Variants in SLC47A1 observed in about 807,000 individuals in gnomAD.
SLC47A1 encodes multidrug and toxin extrusion protein 1.
In SLC47A1, 58 loss-of-function variants were observed where a neutral mutation model predicts 65.8. The observed-to-expected ratio is 0.88, with a 90% CI of 0.71 to 1.10. The LOEUF is 1.10. Among genes scored for constraint, SLC47A1 ranks in the 50% least tolerant of loss-of-function variants. The probability of loss-of-function intolerance (pLI) is 0.00; values close to 1 mark genes in which losing one functional copy is unlikely to be tolerated. For synonymous variants in SLC47A1, 285 were observed against 295.0 expected (o/e 0.97, Z 0.35); for missense variants, 706 against 719.2 (o/e 0.98, Z 0.21).
chr17:19,578,029 C>A lies in SLC47A1; in HGVS notation c.*476C>A. On this transcript the variant is annotated 3_prime_UTR_variant, in exon 17 of 17. Transcript: ENST00000270570. The stretch of plus-strand genomic sequence containing the variant: ...CGGAAGTCTTGCTCTGTCATGCAGG[C>A]TGGAGTGCGGTGGTGCGATCATAGC... 8.3e-7 allele frequency: 1 copy of A among 1,204,830 alleles called. No individual in the cohort carries two copies. The highest frequency in any genetic ancestry group is 1.1e-6 in the Non-Finnish European group (1 of 913,208). The allele number at this position is 1,204,830 out of a possible 1,614,324, so 74.6% of individuals were successfully genotyped here.
At chr17:19,539,188 G>A (rs997048545) in intron 1 of SLC47A1, among the ~76,000 whole-genome samples, 3 of 152,160 alleles carry the variant, frequency 2.0e-5, no homozygotes, top group African/African-American at 4.8e-5. Context: ...TGCGATTGCA[G>A]GGATAAGCCA....
At chr17:19,546,603 T>G (rs968642196) in intron 3 of SLC47A1, 100 bp downstream of exon 3, 4 of 1,099,752 alleles carry the variant, frequency 3.6e-6, no homozygotes, top group Non-Finnish European at 5.4e-6. Context: ...CAGCCAGCAC[T>G]TGCAGCACCT....
intron 10 of SLC47A1, 91 bp downstream of exon 10, chr17:19,556,153 A>G (rs973039278): frequency 5.6e-6 from 8 of 1,417,102 alleles, no homozygotes; most frequent in South Asian, 1.2e-5. Context: ...GCATTCGTAC[A>G]TGAATCATTT....
chr17:19,567,079 A>T lies in SLC47A1; in HGVS notation c.1177-17A>T. 1 of 1,614,168 alleles carries T rather than the reference A, an allele frequency of 6.2e-7. No homozygotes were observed. The highest frequency in any genetic ancestry group is 8.5e-7 in the Non-Finnish European group (1 of 1,180,014). ...CGCCGGATGTGTTCACAGTGATGGA[A>T]TGCTCTCTGCCTGCAGTGCACGAGT... On this transcript the variant is annotated splice_polypyrimidine_tract_variant and intron_variant, in intron 13 of 16. Coordinates refer to ENST00000270570, the MANE Select transcript of SLC47A1 (RefSeq NM_018242.3).
chr17:19,535,871 T>C (rs957593146), intron 1 of SLC47A1, among the ~76,000 whole-genome samples: 1 of 152,212 alleles, frequency 6.6e-6, no homozygotes, highest in Admixed American at 6.5e-5. Flanking sequence ...TCTCTGCATA[T>C]TCATTTGTAA....
At chr17:19,555,150 G>A (rs1916565901) in intron 6 of SLC47A1, 62 bp from the exon 7 acceptor site, 7 of 1,474,768 alleles carry the variant, frequency 4.7e-6, no homozygotes, top group South Asian at 2.3e-5. Flanking sequence ...GTGTGCTTGG[G>A]TAGCAGAAAG....
intron 1 of SLC47A1, among the ~76,000 whole-genome samples, chr17:19,541,614 G>A (rs966810477): frequency 2.0e-5 from 3 of 152,144 alleles, no homozygotes; most frequent in African/African-American, 4.8e-5. Context: ...CTGAGAGTCC[G>A]GATCCCGCTG....
chr17:19,564,368 TATCTC>T (rs552663798), intron 12 of SLC47A1, among the ~76,000 whole-genome samples: 1 of 151,850 alleles, frequency 6.6e-6, no homozygotes, highest in East Asian at 1.9e-4. Context: ...GTGAATATAA[TATCTC>T]AGGTGGAAAA....
At chr17:19,575,116 G>T (rs538761757) in intron 16 of SLC47A1, among the ~76,000 whole-genome samples, 11 of 149,442 alleles carry the variant, frequency 7.4e-5, no homozygotes, top group Admixed American at 5.3e-4. Context: ...TGTCACCCAG[G>T]CTGGAGTGCA....
rs756633695 is a variant in SLC47A1 at position 19,564,020 on chromosome 17, TAGC to T, written c.1107-2765_1107-2763del. Among the ~76,000 whole-genome samples, 7 of 150,804 alleles carry T rather than the reference TAGC, an allele frequency of 4.6e-5. No homozygotes were observed. In the East Asian group the frequency reaches 1.4e-3, roughly 30 times the overall value. ...AAAAAAAATGTTATTAGACAGAATT[TAGC>T]AGCACATTGAAAAGAATATATTTGG... On this transcript the variant is annotated intron_variant, in intron 12 of 16. Coordinates refer to ENST00000270570, the MANE Select transcript of SLC47A1 (RefSeq NM_018242.3).
intron 1 of SLC47A1, among the ~76,000 whole-genome samples, chr17:19,537,292 G>C (rs1916014732): frequency 6.6e-6 from 1 of 152,160 alleles, no homozygotes; most frequent in Middle Eastern, 3.4e-3. Context: ...TGAGGTGGGG[G>C]ATCTGGAGAG....
intron 14 of SLC47A1, among the ~76,000 whole-genome samples, 158 bp downstream of exon 14, chr17:19,567,386 G>A (rs1460434343): frequency 6.6e-6 from 1 of 152,122 alleles, no homozygotes; most frequent in Non-Finnish European, 1.5e-5. Flanking sequence ...GCGTTCAGGA[G>A]GTGACCTCCA....
intron 16 of SLC47A1, among the ~76,000 whole-genome samples, chr17:19,573,596 C>T (rs1301438548): frequency 6.6e-6 from 1 of 151,902 alleles, no homozygotes; most frequent in Non-Finnish European, 1.5e-5. Context: ...TAGCTCACTG[C>T]ACCCTTTACA....
chr17:19,557,658 C>T (rs374896375), intron 10 of SLC47A1: 25 of 516,644 alleles, frequency 4.8e-5, no homozygotes, highest in East Asian at 2.2e-4. Context: ...CTCAGTTACC[C>T]GTAGATGTAG....
intron 14 of SLC47A1, 150 bp downstream of exon 14, chr17:19,567,378 G>A (rs1391679252): frequency 2.4e-5 from 28 of 1,179,552 alleles, no homozygotes; most frequent in Middle Eastern, 5.8e-4. Flanking sequence ...TGTAGGGGGC[G>A]TTCAGGAGGT....
intron 2 of SLC47A1, among the ~76,000 whole-genome samples, chr17:19,543,222 GTC>G (rs908655576): frequency 3.3e-5 from 5 of 150,608 alleles, no homozygotes; most frequent in Admixed American, 1.3e-4. Context: ...CAATTCTCCT[GTC>G]TCAGCCTCCT....
At position 19,572,837 on chromosome 17, in the gene SLC47A1, C is replaced by T. The variant is rs138902371; in HGVS notation, c.1462C>T (p.Leu488Phe). 138 of 1,614,170 alleles carry T rather than the reference C, an allele frequency of 8.5e-5. No homozygotes were observed. The African/African-American group carries it at 1.1e-3, about 13-fold the overall frequency. The change falls in exon 16 of 17, where the codon CTC (leucine) becomes TTC (phenylalanine). Residue 488 changes from leucine to phenylalanine, a missense_variant. Coordinates refer to ENST00000270570, the MANE Select transcript of SLC47A1 (RefSeq NM_018242.3). Reference sequence around the variant, plus strand: ...CGTGCCTCGGAGTGGGAATTCTGCTCTCCCTCAGGATCCGCTTCACCCAGG... The same window carrying T: ...CGTGCCTCGGAGTGGGAATTCTGCTTTCCCTCAGGATCCGCTTCACCCAGG... ...NNVPRSGNSA[L>F]PQDPLHPGCP...
chr17:19,549,529 G>A, intron 4 of SLC47A1, 106 bp from the exon 5 acceptor site: 1 of 1,220,188 alleles, frequency 8.2e-7, no homozygotes, highest in East Asian at 2.3e-5. Context: ...TCTGGAAACA[G>A]CCAAGAATGG....
intron 2 of SLC47A1, among the ~76,000 whole-genome samples, chr17:19,545,731 C>T (rs1273770390): frequency 6.6e-6 from 1 of 152,072 alleles, no homozygotes; most frequent in Non-Finnish European, 1.5e-5. Context: ...CTCAAACGAT[C>T]CTCCCACCTT....
Sources: gnomAD v4.1 joint callset for allele counts (sites outside exome capture counted in the v4.1 genomes callset) on GRCh38, gnomAD v4.1.1 for gene constraint, MANE v1.5 for transcripts, NCBI Gene and HGNC (gene_info 2026-07-23, HGNC 2026-07-21) for gene names.